The following SEMA3A variants were observed in gnomAD, a reference collection of about 807,000 sequenced individuals.
The protein encoded by SEMA3A is semaphorin 3A.
A neutral mutation model predicts 97.9 loss-of-function variants in SEMA3A; 29 were observed. The observed-to-expected ratio is 0.30, with a 90% CI of 0.22 to 0.40. SEMA3A has a LOEUF of 0.40. Ranked by LOEUF, SEMA3A falls within the 10% of genes least tolerant of loss-of-function variation. SEMA3A has a pLI of 1.00. For missense variants in SEMA3A, 763 were observed against 951.3 expected, an observed-to-expected ratio of 0.80 and a Z score of 2.60; for synonymous variants, 321 against 323.7, an observed-to-expected ratio of 0.99 and a Z score of 0.09.
chr7:84,000,891 C>A (rs1790413464), intron 12 of SEMA3A, among the ~76,000 whole-genome samples: 1 of 151,996 alleles, frequency 6.6e-6, no homozygotes, highest in Admixed American at 6.6e-5. Flanking sequence ...TGGGGTAAGA[C>A]ATCTTGGGAA....
At chr7:84,470,042 T>A (rs1562958030) in intron 1 of SEMA3A, among the ~76,000 whole-genome samples, 1 of 151,694 alleles carries the variant, frequency 6.6e-6, no homozygotes, top group Non-Finnish European at 1.5e-5. Context: ...TAAAAATTAA[T>A]TTGGAAATGC....
At chr7:84,392,558 G>T (rs1803610343) in intron 1 of SEMA3A, among the ~76,000 whole-genome samples, 1 of 152,146 alleles carries the variant, frequency 6.6e-6, no homozygotes, top group African/African-American at 2.4e-5. Flanking sequence ...TAGACATACT[G>T]ATTTTACATC....
At chr7:84,059,299 G>A (rs765638812) in intron 5 of SEMA3A, among the ~76,000 whole-genome samples, 1 of 152,094 alleles carries the variant, frequency 6.6e-6, no homozygotes, top group South Asian at 2.1e-4. Flanking sequence ...GACTAAAAGT[G>A]TCCACATTTG....
intron 3 of SEMA3A, among the ~76,000 whole-genome samples, chr7:84,226,670 C>A (rs1012166533): frequency 6.6e-6 from 1 of 151,920 alleles, no homozygotes; most frequent in Non-Finnish European, 1.5e-5. Context: ...GCCAAAGAGC[C>A]AAATATTTAC....
intron 13 of SEMA3A, among the ~76,000 whole-genome samples, chr7:83,982,524 C>T (rs935228007): frequency 1.3e-5 from 2 of 152,126 alleles, no homozygotes; most frequent in East Asian, 3.9e-4. Flanking sequence ...GGCACCATAG[C>T]TCTCTTTTCT....
At chr7:84,096,146 C>T (rs1407198547) in intron 4 of SEMA3A, among the ~76,000 whole-genome samples, 1 of 151,858 alleles carries the variant, frequency 6.6e-6, no homozygotes, top group East Asian at 1.9e-4. Context: ...AAACATTTGG[C>T]AGTGAGAGTG....
chr7:84,127,829 T>A (rs1415038515), intron 3 of SEMA3A, among the ~76,000 whole-genome samples: 1 of 152,216 alleles, frequency 6.6e-6, no homozygotes, highest in Non-Finnish European at 1.5e-5. Context: ...TATACACATG[T>A]ACAGTTTGAT....
intron 1 of SEMA3A, among the ~76,000 whole-genome samples, chr7:84,156,137 A>G (rs1343939283): frequency 6.6e-6 from 1 of 152,002 alleles, no homozygotes; most frequent in Non-Finnish European, 1.5e-5. Context: ...TGCCTTTTTC[A>G]TATCATCCTT....
intron 3 of SEMA3A, among the ~76,000 whole-genome samples, chr7:84,209,969 A>AG (rs1798586382): frequency 6.6e-6 from 1 of 152,162 alleles, no homozygotes; most frequent in Non-Finnish European, 1.5e-5. Flanking sequence ...AAGAAAGTTT[A>AG]CTTTTTTTCC....
rs530436224 is a variant in SEMA3A, at chr7:83,990,794, C to T, written c.1453-5317G>A. Among the ~76,000 whole-genome samples the T allele has an allele frequency of 5.0e-3, 312 of 62,456 alleles. 8 individuals are homozygous for T. Among genetic ancestry groups the T allele is most frequent in the South Asian group, 0.013 (24 of 1,916 alleles). The allele number at this position is 62,456 out of a possible 152,430, so 41.0% of individuals were successfully genotyped here. On this transcript the variant is annotated intron_variant, in intron 12 of 16. Transcript: ENST00000265362. ...TTCTTTTGGCTTAGGATTGACTTGG[C>T]GACGCAGGCTCTTTTTTGGTTCCAT... is the stretch of plus-strand genomic sequence containing the variant.
At chr7:84,149,474 G>C (rs1225491478) in intron 1 of SEMA3A, among the ~76,000 whole-genome samples, 2 of 152,042 alleles carry the variant, frequency 1.3e-5, no homozygotes, top group Non-Finnish European at 2.9e-5. Flanking sequence ...TGCTCTCCCA[G>C]GACCCATTAA....
At chr7:84,155,349 T>C (rs553868042) in intron 1 of SEMA3A, among the ~76,000 whole-genome samples, 5 of 152,108 alleles carry the variant, frequency 3.3e-5, no homozygotes, top group East Asian at 1.9e-4. Context: ...TCTGGGAGAG[T>C]TGTCGTCTAT....
intron 3 of SEMA3A, among the ~76,000 whole-genome samples, chr7:84,293,391 T>A (rs1562889560): frequency 6.6e-6 from 1 of 152,048 alleles, no homozygotes; most frequent in Admixed American, 6.6e-5. Flanking sequence ...TTTCTGAACA[T>A]GAATCAATAA....
intron 3 of SEMA3A, among the ~76,000 whole-genome samples, chr7:84,216,265 C>T (rs1798754292): frequency 6.6e-6 from 1 of 152,094 alleles, no homozygotes; most frequent in Admixed American, 6.6e-5. Flanking sequence ...CGCCACCACA[C>T]CCGGCTAATT....
At chr7:84,118,087 A>T (rs1795488992) in intron 3 of SEMA3A, among the ~76,000 whole-genome samples, 1 of 152,174 alleles carries the variant, frequency 6.6e-6, no homozygotes, top group African/African-American at 2.4e-5. Flanking sequence ...CTTTATAAGG[A>T]TGTAGTTAAT....
intron 3 of SEMA3A, among the ~76,000 whole-genome samples, chr7:84,125,368 T>A (rs899581477): frequency 6.6e-6 from 1 of 152,236 alleles, no homozygotes; most frequent in Non-Finnish European, 1.5e-5. Flanking sequence ...CTTAGATCCT[T>A]TTAATTAAGT....
At position 83,961,383 on chromosome 7, in the gene SEMA3A, G is replaced by C. The variant is rs1189482195; in HGVS notation, c.2304C>G (p.Pro768=). The part of the protein sequence containing the change: ...NRRTHEFERA[P]RSV The stretch of plus-strand genomic sequence containing the variant: ...GAGGTAATGCAGCTCAGACACTCCT[G>C]GGTGCCCTCTCAAATTCGTGGGTCC... Residue 768 remains proline (P), a synonymous_variant, in exon 17 of 17, where the codon CCC becomes CCG. Transcript: ENST00000265362. The C allele has an allele frequency of 1.2e-6, 2 of 1,613,622 alleles. No individual in the cohort carries two copies. The highest frequency in any genetic ancestry group is 2.7e-5 in the African/African-American group (2 of 74,912).
At chr7:84,304,259 A>T (rs997415205) in intron 3 of SEMA3A, among the ~76,000 whole-genome samples, 1 of 152,100 alleles carries the variant, frequency 6.6e-6, no homozygotes, top group Non-Finnish European at 1.5e-5. Flanking sequence ...GGGGTCAGCA[A>T]TTTTTTTGTT....
intron 3 of SEMA3A, among the ~76,000 whole-genome samples, 199 bp from the exon 4 acceptor site, chr7:84,110,788 G>C (rs1238478752): frequency 6.6e-6 from 1 of 151,542 alleles, no homozygotes; most frequent in Non-Finnish European, 1.5e-5. Flanking sequence ...AAAATATAGA[G>C]TTTCTTACTC....
Sources: allele counts gnomAD v4.1 joint callset (sites outside exome capture counted in the v4.1 genomes callset), GRCh38; gene constraint gnomAD v4.1.1; transcripts MANE v1.5; gene names NCBI Gene and HGNC (gene_info 2026-07-23, HGNC 2026-07-21).